The following MBD4 variants were observed in gnomAD, a reference collection of about 807,000 sequenced individuals.
The protein encoded by MBD4 is methyl-CpG binding domain 4, DNA glycosylase.
MBD4 carries 53 observed loss-of-function variants against 60.2 expected under a neutral mutation model. The ratio of observed to expected loss-of-function variants is 0.88; its 90% confidence interval spans 0.71 to 1.11. The LOEUF (loss-of-function observed/expected upper bound fraction) is 1.11, where lower values mean the gene tolerates loss of function less well. Among genes scored for constraint, MBD4 ranks in the 50% least tolerant of loss-of-function variants. MBD4 has a pLI of 0.00. For synonymous variants in MBD4, 231 were observed against 229.8 expected (o/e 1.01, Z -0.05); for missense variants, 619 against 674.0 (o/e 0.92, Z 0.90).
At chr3:129,439,279 C>T (rs2072636022) in intron 1 of MBD4, among the ~76,000 whole-genome samples, 1 of 152,074 alleles carries the variant, frequency 6.6e-6, no homozygotes, top group Non-Finnish European at 1.5e-5. Flanking sequence ...GAGACTGGGG[C>T]TCAAATTCCA....
chr3:129,436,563 T>C lies in MBD4; in HGVS notation c.1081A>G (p.Lys361Glu). Reference sequence around the variant, plus strand: ...TCTTTCCTTTCCACAACTTCTACTTTTGTTCCGATTTCTTCAGATTCTAAA... The same window carrying C: ...TCTTTCCTTTCCACAACTTCTACTTCTGTTCCGATTTCTTCAGATTCTAAA... Reference protein sequence around the residue: ...TFLESEEIGTKVEVVERKEHL... With the variant: ...TFLESEEIGTEVEVVERKEHL... The change falls in exon 3 of 8, where the codon AAA (lysine) becomes GAA (glutamate). Residue 361 changes from lysine (K) to glutamate (E), a missense_variant. Transcript: ENST00000429544. The C allele has an allele frequency of 6.2e-7, 1 of 1,614,202 alleles. No individual in the cohort carries two copies. The highest frequency in any genetic ancestry group is 8.5e-7 in the Non-Finnish European group (1 of 1,180,020).
Position 129,437,296 on chromosome 3 carries a change from C to T in MBD4, c.348G>A (p.Leu116=), listed in dbSNP as rs2072484934. The change falls in exon 3 of 8, where the codon CTG becomes CTA. Residue 116 remains leucine (L), a synonymous_variant. Coordinates refer to ENST00000429544, the MANE Select transcript of MBD4 (RefSeq NM_001276270.2). ...FDVYFISPQG[L]KFRSKSSLAN... ...CAAGTGAACTTTTGGATCTGAACTT[C>T]AGTCCTTGTGGGCTAGAAAATGATA... The T allele has an allele frequency of 1.2e-6, 2 of 1,606,178 alleles. No homozygotes were observed. Among genetic ancestry groups the T allele is most frequent in the Non-Finnish European group, 1.7e-6 (2 of 1,179,626 alleles).
chr3:129,433,589 G>A (rs1002669170), intron 5 of MBD4: 4 of 585,130 alleles, frequency 6.8e-6, no homozygotes, highest in Admixed American at 6.1e-5. Context: ...GAAAGAGGGT[G>A]GAGAAACGTT....
Position 129,436,664 on chromosome 3 carries a change from T to C in MBD4, c.980A>G (p.Gln327Arg), listed in dbSNP as rs370634011. 10 of 1,614,102 alleles carry C rather than the reference T, an allele frequency of 6.2e-6. No individual in the cohort carries two copies. Among genetic ancestry groups the C allele is most frequent in the South Asian group, 3.3e-5 (3 of 91,088 alleles). ...TTTGTTTATGATGCCAGAAGTTTTT[T>C]GTTCAGAACAAAAATTTGATCCTGA... ...LSSGSNFCSE[Q>R]KTSGIINKFC... Residue 327 changes from glutamine (Q) to arginine (R), a missense_variant, in exon 3 of 8, where the codon CAA becomes CGA. By Grantham distance (43) the Gln-to-Arg change is conservative. Transcript: ENST00000429544.
intron 3 of MBD4, 106 bp from the exon 4 acceptor site, chr3:129,434,242 T>G (rs1246942471): frequency 1.1e-6 from 1 of 890,096 alleles, no homozygotes; most frequent in East Asian, 2.5e-5. Flanking sequence ...TGCCAGGCAC[T>G]ATTCTAAGCC....
rs761542558 is a variant in MBD4 at position 129,437,328 on chromosome 3, G to C, written c.336-20C>G. 6.3e-7 allele frequency: 1 copy of C among 1,589,262 alleles called. No individual in the cohort carries two copies. The highest frequency in any genetic ancestry group is 1.7e-5 in the Admixed American group (1 of 59,870). On this transcript the variant is annotated intron_variant, in intron 2 of 7. Coordinates refer to ENST00000429544, the MANE Select transcript of MBD4 (RefSeq NM_001276270.2). ...TGTGGGCTAGAAAATGATATTAAAGGAAACTTACTGCTAGTAAATAGAAGG... is the reference window on the plus strand; with the variant it reads ...TGTGGGCTAGAAAATGATATTAAAGCAAACTTACTGCTAGTAAATAGAAGG...
At chr3:129,432,381 G>A (rs2072362626) in intron 7 of MBD4, 122 bp downstream of exon 7, 9 of 1,583,042 alleles carry the variant, frequency 5.7e-6, no homozygotes, top group Admixed American at 3.5e-5. Context: ...CCCGCAGCCA[G>A]GAACACAATT....
intron 3 of MBD4, among the ~76,000 whole-genome samples, chr3:129,435,291 C>T (rs1420070084): frequency 1.3e-5 from 2 of 151,824 alleles, no homozygotes; most frequent in African/African-American, 4.8e-5. Context: ...TTTCTGTGGG[C>T]TCCTATGAAT....
intron 7 of MBD4, among the ~76,000 whole-genome samples, chr3:129,431,830 T>C (rs1351188687): frequency 6.6e-6 from 1 of 152,204 alleles, no homozygotes; most frequent in Non-Finnish European, 1.5e-5. Flanking sequence ...GGGGTGGCGA[T>C]AACATGAGTC....
At chr3:129,432,668 T>C in intron 6 of MBD4, 62 bp from the exon 7 acceptor site, 1 of 1,476,050 alleles carries the variant, frequency 6.8e-7, no homozygotes, top group South Asian at 1.1e-5. Context: ...CCAAAATGTG[T>C]GGTGATGGGG....
intron 5 of MBD4, 82 bp from the exon 6 acceptor site, chr3:129,433,329 A>C (rs2107750374): frequency 1.6e-4 from 239 of 1,462,744 alleles, no homozygotes; most frequent in Non-Finnish European, 2.1e-4. Flanking sequence ...TAGAAATCTC[A>C]TCCAGAGGGT....
intron 2 of MBD4, 33 bp downstream of exon 2, chr3:129,437,687 G>C (rs2072492803): frequency 6.9e-7 from 1 of 1,459,128 alleles, no homozygotes; most frequent in Admixed American, 1.7e-5. Flanking sequence ...AAAATCATTT[G>C]GCTGTACTAT....
chr3:129,436,507 G>A lies in MBD4; in HGVS notation c.1137C>T (p.Gly379=). Residue 379 remains glycine (G), a synonymous_variant, in exon 3 of 8, where the codon GGC becomes GGT. Transcript: ENST00000429544. The part of the protein sequence containing the change: ...EHLHTDILKR[G]SEMDNNCSPT... ...GTGAGCAGTTGTTGTCCATTTCAGA[G>A]CCACGTTTTAAAATGTCAGTATGCA... 6.2e-7 allele frequency: 1 copy of A among 1,614,028 alleles called. No individual in the cohort carries two copies. Among genetic ancestry groups the A allele is most frequent in the Non-Finnish European group, 8.5e-7 (1 of 1,179,968 alleles).
Position 129,439,864 on chromosome 3 carries a change from A to AG in MBD4, c.-32dup. ...AGGGTCCGGCTGCAGCAACGAGCCC[A>AG]GCGCCGCAACGCCCAGGGTGTGGGG... On this transcript the variant is annotated 5_prime_UTR_variant, in exon 1 of 8. Transcript: ENST00000429544. The AG allele has an allele frequency of 6.8e-7, 1 of 1,475,682 alleles. No homozygotes were observed. The highest frequency in any genetic ancestry group is 9.5e-7 in the Non-Finnish European group (1 of 1,056,550). The allele number at this position is 1,475,682 out of a possible 1,614,324, so 91.4% of individuals were successfully genotyped here. A position where few individuals can be genotyped will look rare whatever the true frequency, so the allele number is the denominator to read the frequency against.
intron 7 of MBD4, chr3:129,432,081 G>C (rs2072355689): frequency 1.1e-6 from 1 of 880,568 alleles, no homozygotes; most frequent in Non-Finnish European, 1.4e-6. Flanking sequence ...ATATTCAACA[G>C]GGCTGAAGCA....
chr3:129,436,466 A>G lies in MBD4; in HGVS notation c.1178T>C (p.Phe393Ser), dbSNP rs745445510. 10 of 1,614,018 alleles carry G rather than the reference A, an allele frequency of 6.2e-6. No individual in the cohort carries two copies. The South Asian group carries it at 7.7e-5, about 12-fold the overall frequency. ...ACCTTGAAATATTTTCTCACCAGTG[A>G]AGTCTTTCCTGGTTGGTGAGCAGTT... is the stretch of plus-strand genomic sequence containing the variant. ...DNNCSPTRKD[F>S]TEDTIPRTQI... is the part of the protein sequence containing the mutation. The change falls in exon 3 of 8, where the codon TTC becomes TCC. Residue 393 changes from phenylalanine to serine, a missense_variant. Physicochemically the swap from Phe to Ser is radical, Grantham distance 155 (BLOSUM62 -2). Coordinates refer to ENST00000429544, the MANE Select transcript of MBD4 (RefSeq NM_001276270.2).
rs372593697 is a variant in MBD4, at chr3:129,436,625, T to C, written c.1019A>G (p.Lys340Arg). The change falls in exon 3 of 8, where the codon AAA (lysine) becomes AGA (arginine). Residue 340 changes from lysine (K) to arginine (R), a missense_variant. Physicochemically the swap from Lys to Arg is conservative, Grantham distance 26. Coordinates refer to ENST00000429544, the MANE Select transcript of MBD4 (RefSeq NM_001276270.2). Reference protein sequence around the residue: ...SGIINKFCSAKDSEHNEKYED... With the variant: ...SGIINKFCSARDSEHNEKYED... ...ATACTTCTCGTTGTGTTCTGAGTCT[T>C]TGGCTGAACAAAATTTGTTTATGAT... 2.2e-5 allele frequency: 36 copies of C among 1,614,092 alleles called. No homozygotes were observed. In the African/African-American group the frequency reaches 4.0e-4, roughly 18 times the overall value.
chr3:129,438,570 G>A (rs2072553296), intron 1 of MBD4, among the ~76,000 whole-genome samples: 1 of 152,074 alleles, frequency 6.6e-6, no homozygotes, highest in Non-Finnish European at 1.5e-5. Context: ...GAGAACCCAA[G>A]TCTACCAAAT....
At chr3:129,438,633 A>C (rs1332214882) in intron 1 of MBD4, among the ~76,000 whole-genome samples, 4 of 152,150 alleles carry the variant, frequency 2.6e-5, no homozygotes, top group African/African-American at 9.7e-5. Flanking sequence ...TGGCAAGGCA[A>C]GGTGGCTCAT....
Sources: allele counts gnomAD v4.1 joint callset (sites outside exome capture counted in the v4.1 genomes callset), GRCh38; gene constraint gnomAD v4.1.1; transcripts MANE v1.5; gene names NCBI Gene and HGNC (gene_info 2026-07-23, HGNC 2026-07-21).